Variants in EXD3 observed in about 807,000 individuals in gnomAD.
EXD3 encodes the protein exonuclease mut-7 homolog.
EXD3 carries 92 observed loss-of-function variants against 98.0 expected under a neutral mutation model. That is an observed-to-expected ratio of 0.94 (90% CI 0.79 to 1.12). The LOEUF (loss-of-function observed/expected upper bound fraction) is 1.12. EXD3 is among the 50% of genes most tolerant of loss of function. EXD3 has a pLI of 0.00. For synonymous variants in EXD3, 569 were observed against 526.0 expected, an observed-to-expected ratio of 1.08 and a Z score of -1.12; for missense variants, 1,222 against 1,191.6, an observed-to-expected ratio of 1.03 and a Z score of -0.38.
Position 137,349,884 on chromosome 9 carries a change from A to G in EXD3, c.1495-353T>C, listed in dbSNP as rs993597168. Among the ~76,000 whole-genome samples, 1 of 152,096 alleles carries G rather than the reference A, an allele frequency of 6.6e-6. No homozygotes were observed. Among genetic ancestry groups the G allele is most frequent in the African/African-American group, 2.4e-5 (1 of 41,402 alleles). On this transcript the variant is annotated intron_variant, in intron 14 of 21. Coordinates refer to ENST00000340951, the MANE Select transcript of EXD3 (RefSeq NM_017820.5). The surrounding 1 kb of genome is among the most constrained non-coding windows in gnomAD (Gnocchi z 7.4). Reference sequence around the variant, plus strand: ...AAGAGGAGCACTGGGTGTGCCGTGCATAAAACAGCAGAAACGCAGACAAAA... The same window carrying G: ...AAGAGGAGCACTGGGTGTGCCGTGCGTAAAACAGCAGAAACGCAGACAAAA...
Position 137,306,921 on chromosome 9 carries a change from C to A in EXD3, c.*29G>T. 1 of 1,533,248 alleles carries A rather than the reference C, an allele frequency of 6.5e-7. No individual in the cohort carries two copies. The highest frequency in any genetic ancestry group is 1.3e-5 in the South Asian group (1 of 78,972). 95.0% of individuals were successfully genotyped at this position (1,533,248 alleles called of 1,614,324 possible). The stretch of plus-strand genomic sequence containing the variant: ...CACGGCCATGGGCCCAGCAGTCGGG[C>A]ACTTTCCATGTTTATTGTCTGGCTG... On this transcript the variant is annotated 3_prime_UTR_variant, in exon 22 of 22. Coordinates refer to ENST00000340951, the MANE Select transcript of EXD3 (RefSeq NM_017820.5).
rs1564198554 is a variant in EXD3 at position 137,387,163 on chromosome 9, C to CCTCTGT, written c.56-3787_56-3786insACAGAG. 6.0e-3 allele frequency among the ~76,000 whole-genome samples: 463 copies of CCTCTGT among 77,622 alleles called. 33 individuals are homozygous for CCTCTGT. In the African/African-American group the frequency reaches 0.061, roughly 10 times the overall value. The allele number at this position is 77,622 out of a possible 152,430, so 50.9% of individuals were successfully genotyped here. On this transcript the variant is annotated intron_variant, in intron 2 of 21. Transcript: ENST00000340951. Reference sequence around the variant, plus strand: ...TTCCCTGCCTGGCCCTCGGCCCCCGCTCCCTGCCTGGCCCCCGGCCCCTGC... The same window carrying CCTCTGT: ...TTCCCTGCCTGGCCCTCGGCCCCCGCCTCTGTTCCCTGCCTGGCCCCCGGCCCCTGC...
Position 137,373,521 on chromosome 9 carries a change from G to A in EXD3, c.199C>T (p.Arg67Trp), listed in dbSNP as rs528218403. 7.5e-5 allele frequency: 120 copies of A among 1,604,454 alleles called. No individual in the cohort carries two copies. Among genetic ancestry groups the A allele is most frequent in the South Asian group, 4.7e-4 (42 of 89,504 alleles). The change falls in exon 4 of 22, where the codon CGG (arginine) becomes TGG (tryptophan). Residue 67 changes from arginine (R) to tryptophan (W), a missense_variant. By Grantham distance (101) the Arg-to-Trp change is moderately radical. Coordinates refer to ENST00000340951, the MANE Select transcript of EXD3 (RefSeq NM_017820.5). ...GAGGGGCCCTCTCCCCGCTGGCCCCGGCAGCTCTCCAGCATGTCCAGAAGC... is the reference window on the plus strand; with the variant it reads ...GAGGGGCCCTCTCCCCGCTGGCCCCAGCAGCTCTCCAGCATGTCCAGAAGC... ...AGLLDMLESC[R>W]GQRGEGPSLA...
At chr9:137,387,014 CCCCTCAGCACCCCTGCTCCCTGCCTGCCT>C (rs1588402378) in intron 2 of EXD3, among the ~76,000 whole-genome samples, 2 of 139,974 alleles carry the variant, frequency 1.4e-5, no homozygotes, top group African/African-American at 2.8e-5. Context: ...CCTGCCTGGC[CCCCTCAGCACCCCTGCTCCCTGCCTGCCT>C]CCCTCAGCAC....
At chr9:137,354,572 T>A in intron 9 of EXD3, 128 bp downstream of exon 9, 2 of 1,542,934 alleles carry the variant, frequency 1.3e-6, no homozygotes, top group Non-Finnish European at 8.7e-7. Context: ...CTCACCCAGC[T>A]CTGGGGCAAG....
At chr9:137,375,887 C>T (rs1480374659) in intron 3 of EXD3, among the ~76,000 whole-genome samples, 1 of 152,198 alleles carries the variant, frequency 6.6e-6, no homozygotes, top group African/African-American at 2.4e-5. Context: ...CCATGAGTGA[C>T]ACCCACAAGT....
rs117685287 is a variant in EXD3, at chr9:137,324,312, C to G, written c.1999-169G>C. On this transcript the variant is annotated intron_variant, in intron 17 of 21. Transcript: ENST00000340951. The surrounding 1 kb of genome is among the most constrained non-coding windows in gnomAD (Gnocchi z 4.1). ...TCTTGGGTGGTGAGGAGCCCTCTGC[C>G]GGGTCCTGGGTGTCGCCTCATTGTA... Among the ~76,000 whole-genome samples, 1 of 152,150 alleles carries G rather than the reference C, an allele frequency of 6.6e-6. No homozygotes were observed. Among genetic ancestry groups the G allele is most frequent in the African/African-American group, 2.4e-5 (1 of 41,430 alleles).
intron 3 of EXD3, among the ~76,000 whole-genome samples, chr9:137,381,864 G>C (rs1836290875): frequency 6.6e-6 from 1 of 152,208 alleles, no homozygotes; most frequent in Non-Finnish European, 1.5e-5. Flanking sequence ...GGCCCACCCA[G>C]GGCCACTGGG....
At chr9:137,333,416 C>T (rs1057306159) in intron 17 of EXD3, among the ~76,000 whole-genome samples, 1 of 152,176 alleles carries the variant, frequency 6.6e-6, no homozygotes, top group Non-Finnish European at 1.5e-5. Context: ...CCTATCAGTT[C>T]TGTCCCTCTA....
At chr9:137,402,038 A>G (rs1237020019) in intron 1 of EXD3, among the ~76,000 whole-genome samples, 1 of 152,084 alleles carries the variant, frequency 6.6e-6, no homozygotes, top group Non-Finnish European at 1.5e-5. Context: ...TGTTTTTGAG[A>G]TGGAGTCTTG....
Position 137,347,173 on chromosome 9 carries a change from C to T in EXD3, c.1998+898G>A, listed in dbSNP as rs1410142482. Among the ~76,000 whole-genome samples, 1 of 152,180 alleles carries T rather than the reference C, an allele frequency of 6.6e-6. No individual in the cohort carries two copies. The highest frequency in any genetic ancestry group is 2.4e-5 in the African/African-American group (1 of 41,440). ...AAGCTTAGCAGCTTACAACATAGTT[C>T]TGTGGAAGTCCAGAAGTCCGGTGGA... On this transcript the variant is annotated intron_variant, in intron 17 of 21. Transcript: ENST00000340951. This position sits in a 1 kb window ranked among gnomAD's most constrained non-coding sequence, Gnocchi z 4.2.
intron 14 of EXD3, among the ~76,000 whole-genome samples, chr9:137,350,040 A>G (rs1834179232): frequency 7.9e-6 from 1 of 125,854 alleles, no homozygotes; most frequent in African/African-American, 3.0e-5. Flanking sequence ...AGGGGTGGGG[A>G]TCACGGGGAA....
At chr9:137,397,418 C>G (rs757952335) in intron 1 of EXD3, among the ~76,000 whole-genome samples, 3 of 152,246 alleles carry the variant, frequency 2.0e-5, no homozygotes, top group South Asian at 2.1e-4. Context: ...AACAGCCCAC[C>G]GGAGCGAAAA....
intron 3 of EXD3, among the ~76,000 whole-genome samples, chr9:137,381,663 A>G (rs1303018501): frequency 2.0e-5 from 3 of 152,042 alleles, no homozygotes; most frequent in Admixed American, 6.6e-5. Flanking sequence ...CAACAGTCCC[A>G]TTGCCCCCTT....
In EXD3 at chr9:137,417,347, A is replaced by AAGCG. The variant is rs201589733; in HGVS notation, c.-48+5763_-48+5766dup. ...CCCCGGCAGCGCCCAGGCTGCCAGG[A>AAGCG]AGCGAGCGCGCCCGCAGAGGCGCCA... On this transcript the variant is annotated intron_variant, in intron 1 of 21. Coordinates refer to ENST00000340951, the MANE Select transcript of EXD3 (RefSeq NM_017820.5). Among the ~76,000 whole-genome samples the AAGCG allele has an allele frequency of 3.2e-3, 485 of 152,328 alleles. 4 individuals are homozygous for AAGCG. Among genetic ancestry groups the AAGCG allele is most frequent in the African/African-American group, 0.011 (440 of 41,582 alleles).
intron 2 of EXD3, among the ~76,000 whole-genome samples, chr9:137,384,015 C>T (rs138318588): frequency 2.4e-4 from 37 of 152,336 alleles, no homozygotes; most frequent in African/African-American, 8.2e-4. Context: ...GAGACCCACT[C>T]AGGCCTGGTC....
intron 1 of EXD3, among the ~76,000 whole-genome samples, chr9:137,414,077 C>T (rs543405672): frequency 2.6e-5 from 4 of 152,140 alleles, no homozygotes; most frequent in South Asian, 2.1e-4. Context: ...CCACCACGCC[C>T]GGCTAATTTT....
chr9:137,361,907 A>G (rs1835013473), intron 7 of EXD3, among the ~76,000 whole-genome samples: 1 of 152,154 alleles, frequency 6.6e-6, no homozygotes. Context: ...TGACATCACT[A>G]CAGACTCTAC....
chr9:137,316,087 G>GC (rs372315878), intron 19 of EXD3, among the ~76,000 whole-genome samples: 16 of 148,166 alleles, frequency 1.1e-4, no homozygotes, highest in Admixed American at 2.6e-4. Context: ...CCCTCCCCCG[G>GC]CCCCCCCCAG....
Sources: allele counts gnomAD v4.1 joint callset (sites outside exome capture counted in the v4.1 genomes callset), GRCh38; gene constraint gnomAD v4.1.1; non-coding constraint Gnocchi (gnomAD v3.1); transcripts MANE v1.5; gene names NCBI Gene and HGNC (gene_info 2026-07-23, HGNC 2026-07-21).